Variants in DSCAML1 observed in about 807,000 individuals in gnomAD.
DSCAML1 encodes DS cell adhesion molecule like 1.
In DSCAML1, 38 loss-of-function variants were observed where a neutral mutation model predicts 200.5. The observed-to-expected ratio is 0.19, with a 90% confidence interval of 0.15 to 0.25. The LOEUF is 0.25. Ranked by LOEUF, DSCAML1 falls within the 10% of genes least tolerant of loss-of-function variation. The pLI, the probability that DSCAML1 is intolerant of heterozygous loss-of-function variation, is 1.00. For missense variants in DSCAML1, 2,223 were observed against 2,858.8 expected (o/e 0.78, Z 5.07); for synonymous variants, 1,215 against 1,165.0 (o/e 1.04, Z -0.87).
In DSCAML1 at chr11:117,428,372, T is replaced by C; in HGVS notation, c.6118A>G (p.Lys2040Glu). 6.3e-7 allele frequency: 1 copy of C among 1,592,334 alleles called. No individual in the cohort carries two copies. Among genetic ancestry groups the C allele is most frequent in the Non-Finnish European group, 8.5e-7 (1 of 1,170,548 alleles). ...TTGGAGTAGGCCCCGGCCCCCTGCT[T>C]CTGAGACCTCCCTACCCCCGATGTG... ...MSTSGVGRSQ[K>E]QGAGAYSKSY... The change falls in exon 33 of 33, where the codon AAG becomes GAG. Residue 2040 changes from lysine (K) to glutamate (E), a missense_variant. By Grantham distance (56) the Lys-to-Glu change is moderately conservative. This residue lies in a region of DSCAML1 where 280 missense variants were observed against 213.4 expected (regional missense o/e 1.31). Transcript: ENST00000651296.
intron 3 of DSCAML1, among the ~76,000 whole-genome samples, chr11:117,689,035 C>A (rs1345893614): frequency 5.9e-5 from 9 of 152,158 alleles, no homozygotes; most frequent in Non-Finnish European, 4.4e-5. Context: ...AGGGAAGCAG[C>A]ACAACCACCA....
chr11:117,712,851 C>T (rs1485760785), intron 3 of DSCAML1, among the ~76,000 whole-genome samples: 1 of 151,990 alleles, frequency 6.6e-6, no homozygotes, highest in Non-Finnish European at 1.5e-5. Context: ...GTCTTCCCCC[C>T]GCCTCTCTCC....
At chr11:117,470,507 G>A (rs1430088729) in intron 15 of DSCAML1, among the ~76,000 whole-genome samples, 1 of 152,206 alleles carries the variant, frequency 6.6e-6, no homozygotes, top group African/African-American at 2.4e-5. Flanking sequence ...CCCAGGGGGT[G>A]GAGCCTGAAC....
At chr11:117,759,722 GC>G (rs2054764971) in intron 3 of DSCAML1, among the ~76,000 whole-genome samples, 6 of 119,742 alleles carry the variant, frequency 5.0e-5, no homozygotes, top group Non-Finnish European at 1.1e-4. Context: ...TGCACCCCCA[GC>G]TACAGGGAGC....
chr11:117,474,898 G>A (rs187408150), intron 14 of DSCAML1, among the ~76,000 whole-genome samples: 8 of 152,206 alleles, frequency 5.3e-5, no homozygotes, highest in African/African-American at 1.7e-4. Flanking sequence ...GGGACTACAG[G>A]CGCATGCCAC....
At position 117,730,759 on chromosome 11, in the gene DSCAML1, T is replaced by A. The variant is rs2054204518; in HGVS notation, c.511+46032A>T. On this transcript the variant is annotated intron_variant, in intron 3 of 32. Transcript: ENST00000651296. ...CGCACCAACATTTGTAAACAAATGT[T>A]CACAGCAGCATTTTTCATTATAGCC... 2.0e-5 allele frequency among the ~76,000 whole-genome samples: 3 copies of A among 152,208 alleles called. No homozygotes were observed. In the South Asian group the frequency reaches 6.2e-4, roughly 32 times the overall value.
intron 8 of DSCAML1, among the ~76,000 whole-genome samples, chr11:117,514,928 A>G (rs1020772615): frequency 2.6e-5 from 4 of 152,130 alleles, no homozygotes; most frequent in Non-Finnish European, 4.4e-5. Context: ...AAAACTGGGG[A>G]GGAAATGTTA....
intron 1 of DSCAML1, among the ~76,000 whole-genome samples, chr11:117,811,863 C>T (rs111864689): frequency 2.0e-4 from 30 of 152,324 alleles, no homozygotes; most frequent in African/African-American, 3.6e-4. Flanking sequence ...AGGCTACCCA[C>T]TCCACATTAC....
chr11:117,733,970 G>A (rs1408043204), intron 3 of DSCAML1, among the ~76,000 whole-genome samples: 1 of 151,978 alleles, frequency 6.6e-6, no homozygotes, highest in Admixed American at 6.6e-5. Flanking sequence ...TGTCTTTTGG[G>A]GGACCATCTG....
In DSCAML1 at chr11:117,469,046, G is replaced by C. The variant is rs1055336484; in HGVS notation, c.3024+864C>G. On this transcript the variant is annotated intron_variant, in intron 16 of 32. Transcript: ENST00000651296. This position sits in a 1 kb window ranked among gnomAD's most constrained non-coding sequence, Gnocchi z 4.1. ...CTCTGATCCAGAGCCCTGTGCAGTG[G>C]CTGTGGAGGGAAGAGTGGCTGGGGC... is the stretch of plus-strand genomic sequence containing the variant. Among the ~76,000 whole-genome samples, 12 of 152,320 alleles carry C rather than the reference G, an allele frequency of 7.9e-5. No homozygotes were observed. Among genetic ancestry groups the C allele is most frequent in the African/African-American group, 2.2e-4 (9 of 41,570 alleles).
intron 1 of DSCAML1, among the ~76,000 whole-genome samples, chr11:117,817,227 G>T (rs901008575): frequency 6.6e-6 from 1 of 152,206 alleles, no homozygotes; most frequent in South Asian, 2.1e-4. Flanking sequence ...ATTGCCCAAG[G>T]CCAGCACTTC....
At chr11:117,659,034 G>C (rs141819727) in intron 3 of DSCAML1, among the ~76,000 whole-genome samples, 1 of 152,268 alleles carries the variant, frequency 6.6e-6, no homozygotes, top group Non-Finnish European at 1.5e-5. Flanking sequence ...TCTGACCCAC[G>C]ATTCCTTCCT....
chr11:117,480,579 G>A lies in DSCAML1; in HGVS notation c.2657-8C>T, dbSNP rs1222456583. The A allele has an allele frequency of 1.3e-6, 2 of 1,555,002 alleles. No individual in the cohort carries two copies. The highest frequency in any genetic ancestry group is 1.7e-6 in the Non-Finnish European group (2 of 1,148,880). On this transcript the variant is annotated splice_region_variant and splice_polypyrimidine_tract_variant and intron_variant, in intron 13 of 32. Transcript: ENST00000651296. This position sits in a 1 kb window ranked among gnomAD's most constrained non-coding sequence, Gnocchi z 4.1. ...CTGGGGGGTCGGGGGGCTCTAGGGT[G>A]CGGCAGTGGAGGGGAGGGAAGTGAG...
At chr11:117,492,112 T>C (rs1402246744) in intron 11 of DSCAML1, among the ~76,000 whole-genome samples, 1 of 152,136 alleles carries the variant, frequency 6.6e-6, no homozygotes, top group Non-Finnish European at 1.5e-5. Context: ...GCCGCCTGCA[T>C]TCCCCATCCC....
At chr11:117,663,729 C>T (rs1190159426) in intron 3 of DSCAML1, among the ~76,000 whole-genome samples, 1 of 152,164 alleles carries the variant, frequency 6.6e-6, no homozygotes, top group African/African-American at 2.4e-5. Context: ...GAGCTGTTTC[C>T]CTCTGATCCC....
At chr11:117,472,921 C>G (rs1006458059) in intron 14 of DSCAML1, among the ~76,000 whole-genome samples, 1 of 152,072 alleles carries the variant, frequency 6.6e-6, no homozygotes, top group Non-Finnish European at 1.5e-5. Flanking sequence ...CTTCCACACC[C>G]GGGATTCTTA....
At chr11:117,797,264 G>A, upstream of DSCAML1, 3 of 1,402,680 alleles carry the variant, frequency 2.1e-6, no homozygotes, top group Non-Finnish European at 1.8e-6. Flanking sequence ...TGTCATCCGC[G>A]GGGCTGGGCT....
chr11:117,543,139 C>T (rs905836171), intron 3 of DSCAML1, among the ~76,000 whole-genome samples: 4 of 152,136 alleles, frequency 2.6e-5, no homozygotes, highest in Non-Finnish European at 5.9e-5. Context: ...AATGATCTCA[C>T]AGGCTAGTGC....
intron 8 of DSCAML1, among the ~76,000 whole-genome samples, chr11:117,506,547 CTTTT>C (rs5795089): frequency 3.0e-3 from 290 of 96,840 alleles, no homozygotes; most frequent in African/African-American, 0.012. Context: ...CAAGAGATAA[CTTTT>C]TTTTTTTTTT....
Sources: gnomAD v4.1 joint callset for allele counts (sites outside exome capture counted in the v4.1 genomes callset) on GRCh38, gnomAD v4.1.1 for gene constraint, gnomAD v4.1.1 regional missense constraint, Gnocchi (gnomAD v3.1) non-coding constraint, MANE v1.5 for transcripts, NCBI Gene and HGNC (gene_info 2026-07-23, HGNC 2026-07-21) for gene names.